The following CLSTN2 variants were observed in gnomAD, a reference collection of about 807,000 sequenced individuals.
The protein encoded by CLSTN2 is calsyntenin 2.
CLSTN2 carries 48 observed loss-of-function variants against 101.2 expected under a neutral mutation model. The ratio of observed to expected loss-of-function variants is 0.47; its 90% CI spans 0.38 to 0.60. The LOEUF is 0.60. CLSTN2 is among the 20% of genes least tolerant of loss of function. The probability of loss-of-function intolerance (pLI) is 0.00; values close to 1 mark genes in which losing one functional copy is unlikely to be tolerated. For missense variants in CLSTN2, 1,160 were observed against 1,238.2 expected, an observed-to-expected ratio of 0.94 and a Z score of 0.95; for synonymous variants, 481 against 463.6, an observed-to-expected ratio of 1.04 and a Z score of -0.48.
chr3:140,055,893 G>A (rs902832206), intron 1 of CLSTN2, among the ~76,000 whole-genome samples: 2 of 152,318 alleles, frequency 1.3e-5, no homozygotes, highest in Non-Finnish European at 2.9e-5. Context: ...AATATAAGAT[G>A]CATCTACATG....
At chr3:140,565,504 G>C (rs547388669) in intron 16 of CLSTN2, among the ~76,000 whole-genome samples, 1 of 152,320 alleles carries the variant, frequency 6.6e-6, no homozygotes, top group East Asian at 1.9e-4. Flanking sequence ...ACACAAGTCA[G>C]GGGGTGAGCA....
chr3:140,427,460 A>G (rs982382532), intron 5 of CLSTN2, among the ~76,000 whole-genome samples: 1 of 151,880 alleles, frequency 6.6e-6, no homozygotes, highest in Non-Finnish European at 1.5e-5. Flanking sequence ...TGAAGAGTCC[A>G]TTTTAGAGAA....
intron 2 of CLSTN2, among the ~76,000 whole-genome samples, chr3:140,382,833 A>G (rs767127160): frequency 3.3e-5 from 5 of 151,798 alleles, no homozygotes; most frequent in Admixed American, 2.0e-4. Context: ...GACCTCATTT[A>G]TAAGGGCACT....
chr3:140,049,944 T>C (rs1021196690), intron 1 of CLSTN2, among the ~76,000 whole-genome samples: 5 of 152,202 alleles, frequency 3.3e-5, no homozygotes, highest in Admixed American at 6.5e-5. Flanking sequence ...CCGACTTGCT[T>C]CATCTGAGTT....
intron 1 of CLSTN2, among the ~76,000 whole-genome samples, chr3:140,159,246 G>A (rs942671922): frequency 1.3e-5 from 2 of 152,090 alleles, no homozygotes; most frequent in African/African-American, 4.8e-5. Context: ...ATATCCTACA[G>A]AATGTAAGAA....
intron 2 of CLSTN2, among the ~76,000 whole-genome samples, chr3:140,285,357 C>T (rs1244682043): frequency 6.6e-6 from 1 of 152,116 alleles, no homozygotes; most frequent in East Asian, 1.9e-4. Flanking sequence ...TATCAATTAT[C>T]TACTGGCAGC....
intron 2 of CLSTN2, among the ~76,000 whole-genome samples, chr3:140,313,557 C>T (rs35404393): frequency 0.17 from 25,638 of 152,084 alleles, 2,904 homozygotes; most frequent in East Asian, 0.51. Context: ...GTGGCAGTTG[C>T]GGTCACTGCT....
intron 1 of CLSTN2, among the ~76,000 whole-genome samples, chr3:140,039,384 TC>T (rs1263370661): frequency 6.6e-6 from 1 of 152,172 alleles, no homozygotes; most frequent in Non-Finnish European, 1.5e-5. Context: ...CAAATTTCTT[TC>T]CCCCCTTACT....
intron 1 of CLSTN2, among the ~76,000 whole-genome samples, chr3:140,010,414 C>A (rs1241282457): frequency 6.6e-6 from 1 of 152,188 alleles, no homozygotes; most frequent in Non-Finnish European, 1.5e-5. Context: ...AGAAATTCGT[C>A]TTTCCATTTC....
chr3:140,158,627 T>C (rs1485196432), intron 1 of CLSTN2, among the ~76,000 whole-genome samples: 3 of 151,916 alleles, frequency 2.0e-5, no homozygotes. Flanking sequence ...CTGAAAACAG[T>C]TTACAACACT....
intron 2 of CLSTN2, among the ~76,000 whole-genome samples, chr3:140,270,749 T>G (rs2086735640): frequency 6.6e-6 from 1 of 152,162 alleles, no homozygotes; most frequent in Non-Finnish European, 1.5e-5. Context: ...TTCTGGCGAA[T>G]TTCCTCACAC....
At chr3:140,176,673 G>A (rs1306860233) in intron 2 of CLSTN2, among the ~76,000 whole-genome samples, 3 of 152,230 alleles carry the variant, frequency 2.0e-5, no homozygotes, top group Admixed American at 1.3e-4. Flanking sequence ...GTAGGCCCCA[G>A]GAGGGGTGAG....
intron 2 of CLSTN2, among the ~76,000 whole-genome samples, chr3:140,316,202 A>C (rs2087229916): frequency 1.3e-5 from 2 of 152,244 alleles, no homozygotes; most frequent in East Asian, 3.9e-4. Flanking sequence ...CAGTGCAAGC[A>C]GTGAGGTGAA....
At chr3:140,545,784 G>C (rs1296536150) in intron 9 of CLSTN2, among the ~76,000 whole-genome samples, 1 of 152,164 alleles carries the variant, frequency 6.6e-6, no homozygotes, top group Non-Finnish European at 1.5e-5. Flanking sequence ...ATAGGACTTA[G>C]CACAGCCAGG....
intron 2 of CLSTN2, among the ~76,000 whole-genome samples, chr3:140,250,974 G>A (rs547337780): frequency 3.3e-5 from 5 of 152,306 alleles, no homozygotes; most frequent in Non-Finnish European, 5.9e-5. Context: ...AGAATTCTGA[G>A]AAGAGTCTTT....
At chr3:140,110,426 G>T (rs1338673591) in intron 1 of CLSTN2, among the ~76,000 whole-genome samples, 1 of 152,124 alleles carries the variant, frequency 6.6e-6, no homozygotes, top group African/African-American at 2.4e-5. Flanking sequence ...AACACCATGG[G>T]GCATCGTGTT....
At chr3:140,369,773 C>T (rs909013999) in intron 2 of CLSTN2, among the ~76,000 whole-genome samples, 16 of 152,268 alleles carry the variant, frequency 1.1e-4, no homozygotes, top group South Asian at 8.3e-4. Flanking sequence ...TTGTATTACT[C>T]ACCAGGAATT....
At chr3:140,448,991 C>T (rs575009932) in intron 6 of CLSTN2, among the ~76,000 whole-genome samples, 39 of 152,238 alleles carry the variant, frequency 2.6e-4, no homozygotes, top group Middle Eastern at 3.4e-3. Flanking sequence ...TTAAATGGCA[C>T]GATACTTTCA....
chr3:140,108,638 T>C (rs2009102252), intron 1 of CLSTN2, among the ~76,000 whole-genome samples: 2 of 152,162 alleles, frequency 1.3e-5, no homozygotes, highest in Admixed American at 6.5e-5. Flanking sequence ...GTCAAGGCAG[T>C]TAAGGGCAAG....
Sources: gnomAD v4.1 joint callset for allele counts (sites outside exome capture counted in the v4.1 genomes callset) on GRCh38, gnomAD v4.1.1 for gene constraint, MANE v1.5 for transcripts, NCBI Gene and HGNC (gene_info 2026-07-23, HGNC 2026-07-21) for gene names.